The following DPP10 variants were observed in gnomAD, a reference collection of about 807,000 sequenced individuals.
DPP10 encodes the protein inactive dipeptidyl peptidase 10.
Under a neutral mutation model 120.9 loss-of-function variants are expected in DPP10, and 33 were observed. The observed-to-expected ratio is 0.27, with a 90% CI of 0.21 to 0.37. The LOEUF (loss-of-function observed/expected upper bound fraction) is 0.37. DPP10 is among the 10% of genes least tolerant of loss of function. DPP10 has a pLI of 1.00. For synonymous variants in DPP10, 337 were observed against 326.1 expected (o/e 1.03, Z -0.36); for missense variants, 816 against 942.8 (o/e 0.87, Z 1.76).
intron 1 of DPP10, among the ~76,000 whole-genome samples, chr2:114,508,799 C>G (rs1405792948): frequency 1.3e-5 from 2 of 152,136 alleles, no homozygotes; most frequent in African/African-American, 4.8e-5. Flanking sequence ...GTCCCCATCT[C>G]ATCACTGGTT....
At chr2:114,760,686 G>T (rs1485485543) in intron 1 of DPP10, among the ~76,000 whole-genome samples, 3 of 151,918 alleles carry the variant, frequency 2.0e-5, no homozygotes, top group African/African-American at 7.3e-5. Flanking sequence ...TTTAACTTAG[G>T]ATAATGCCAT....
chr2:115,478,930 T>A (rs1237386115), intron 3 of DPP10, among the ~76,000 whole-genome samples: 1 of 152,134 alleles, frequency 6.6e-6, no homozygotes, highest in East Asian at 1.9e-4. Flanking sequence ...GTGGAGAAAC[T>A]GAAAGTCTTG....
chr2:114,803,216 T>C (rs967847796), intron 1 of DPP10, among the ~76,000 whole-genome samples: 2 of 152,228 alleles, frequency 1.3e-5, no homozygotes, highest in Non-Finnish European at 2.9e-5. Context: ...GCCTTTCACC[T>C]ACCACCATGA....
intron 1 of DPP10, among the ~76,000 whole-genome samples, chr2:115,148,158 A>T (rs984644760): frequency 6.6e-6 from 1 of 152,178 alleles, no homozygotes; most frequent in Non-Finnish European, 1.5e-5. Context: ...AAGAGCATTA[A>T]TTGTTCTCTA....
At chr2:115,440,340 C>T (rs2071914499) in intron 3 of DPP10, among the ~76,000 whole-genome samples, 1 of 152,090 alleles carries the variant, frequency 6.6e-6, no homozygotes, top group Admixed American at 6.6e-5. Context: ...TGGCATATTC[C>T]GCTGTATGAG....
chr2:115,170,412 A>G (rs979350278), intron 1 of DPP10, among the ~76,000 whole-genome samples: 1 of 152,188 alleles, frequency 6.6e-6, no homozygotes, highest in African/African-American at 2.4e-5. Flanking sequence ...AGGTAAAAAT[A>G]TATCTTTTTG....
At chr2:115,244,850 T>C (rs10186331) in intron 1 of DPP10, among the ~76,000 whole-genome samples, 5 of 100,370 alleles carry the variant, frequency 5.0e-5, no homozygotes, top group Admixed American at 2.5e-4. Flanking sequence ...TATATACATA[T>C]ATATATAATT....
chr2:115,398,174 CTT>C (rs35282441), intron 3 of DPP10, among the ~76,000 whole-genome samples: 3,823 of 148,856 alleles, frequency 0.026, 65 homozygotes, highest in South Asian at 0.037. Flanking sequence ...TTGTATATGA[CTT>C]TTTTTTTTTT....
chr2:114,995,368 G>T (rs1701013604), intron 1 of DPP10, among the ~76,000 whole-genome samples: 1 of 151,862 alleles, frequency 6.6e-6, no homozygotes, highest in African/African-American at 2.4e-5. Context: ...AACAGTAGTT[G>T]ATCTATTACA....
At chr2:115,253,928 C>T (rs1436048667) in intron 1 of DPP10, among the ~76,000 whole-genome samples, 1 of 152,236 alleles carries the variant, frequency 6.6e-6, no homozygotes, top group Non-Finnish European at 1.5e-5. Context: ...CTGCACTTCC[C>T]TGGTAGAGCT....
At chr2:115,310,626 C>T (rs1026602080) in intron 2 of DPP10, among the ~76,000 whole-genome samples, 4 of 152,064 alleles carry the variant, frequency 2.6e-5, no homozygotes, top group African/African-American at 9.7e-5. Flanking sequence ...GGCATTCTCC[C>T]CAGGAACCTT....
At chr2:114,565,375 C>T (rs1366244066) in intron 1 of DPP10, among the ~76,000 whole-genome samples, 3 of 152,164 alleles carry the variant, frequency 2.0e-5, no homozygotes, top group Non-Finnish European at 2.9e-5. Flanking sequence ...CTTTGTCTTA[C>T]CACATTGCCC....
chr2:115,007,733 A>C (rs1157538639), intron 1 of DPP10, among the ~76,000 whole-genome samples: 1 of 151,628 alleles, frequency 6.6e-6, no homozygotes, highest in African/African-American at 2.4e-5. Context: ...GCAAAGTCTC[A>C]GGATACAAAA....
At chr2:115,424,886 C>T (rs1014500767) in intron 3 of DPP10, among the ~76,000 whole-genome samples, 1 of 152,120 alleles carries the variant, frequency 6.6e-6, no homozygotes, top group East Asian at 1.9e-4. Context: ...TATGATTAAT[C>T]GTCTGTAGAA....
intron 1 of DPP10, among the ~76,000 whole-genome samples, chr2:115,283,074 T>A (rs1320398325): frequency 6.6e-6 from 1 of 152,062 alleles, no homozygotes; most frequent in Non-Finnish European, 1.5e-5. Context: ...TCTGGCCATG[T>A]TTTTTTCTTT....
intron 1 of DPP10, among the ~76,000 whole-genome samples, chr2:115,038,520 G>T (rs934657206): frequency 1.5e-4 from 23 of 151,864 alleles, no homozygotes; most frequent in African/African-American, 5.1e-4. Context: ...CTCGTGATCC[G>T]CCCACCTCTA....
At chr2:114,940,438 A>G (rs1163210463) in intron 1 of DPP10, among the ~76,000 whole-genome samples, 1 of 152,100 alleles carries the variant, frequency 6.6e-6, no homozygotes, top group Non-Finnish European at 1.5e-5. Context: ...CAGATTTGAC[A>G]GCAGCAGACT....
rs1405786645 is a variant in DPP10, at chr2:114,976,014, TAAAC to T, written c.61-333224_61-333221del. ...TTAGAAGTTTAAAATAAATTTAAAA[TAAAC>T]CAAATAAGTTTTACTTGATTTAATG... On this transcript the variant is annotated intron_variant, in intron 1 of 25. Transcript: ENST00000410059. Among the ~76,000 whole-genome samples the T allele has an allele frequency of 5.9e-5, 9 of 152,298 alleles. No individual in the cohort carries two copies. The East Asian group carries it at 1.2e-3, about 20-fold the overall frequency.
intron 1 of DPP10, among the ~76,000 whole-genome samples, chr2:115,269,768 A>G (rs2059611686): frequency 1.3e-5 from 2 of 152,222 alleles, no homozygotes; most frequent in South Asian, 4.1e-4. Flanking sequence ...CAGAAAGTCT[A>G]GCCCACATTC....
Sources: gnomAD v4.1 joint callset for allele counts (sites outside exome capture counted in the v4.1 genomes callset) on GRCh38, gnomAD v4.1.1 for gene constraint, MANE v1.5 for transcripts, NCBI Gene and HGNC (gene_info 2026-07-23, HGNC 2026-07-21) for gene names.